SPTBN1: variants seen among roughly 807,000 people sequenced by gnomAD.
SPTBN1 encodes the protein spectrin beta chain, non-erythrocytic 1.
In SPTBN1, 32 loss-of-function variants were observed where a neutral mutation model predicts 266.4. The observed-to-expected ratio is 0.12, with a 90% CI of 0.09 to 0.16. The LOEUF (loss-of-function observed/expected upper bound fraction) is 0.16. Ranked by LOEUF, SPTBN1 falls within the 10% of genes least tolerant of loss-of-function variation. SPTBN1 has a pLI of 1.00. For missense variants in SPTBN1, 2,296 were observed against 3,067.1 expected, an observed-to-expected ratio of 0.75 and a Z score of 5.94; for synonymous variants, 1,336 against 1,162.2, an observed-to-expected ratio of 1.15 and a Z score of -3.04.
At chr2:54,550,515 C>G (rs1269272488) in intron 2 of SPTBN1, among the ~76,000 whole-genome samples, 1 of 152,194 alleles carries the variant, frequency 6.6e-6, no homozygotes, top group Non-Finnish European at 1.5e-5. Context: ...ATTACCTACA[C>G]TCTCATGTTA....
intron 17 of SPTBN1, among the ~76,000 whole-genome samples, chr2:54,634,473 A>AC (rs1678977351): frequency 6.6e-6 from 1 of 152,242 alleles, no homozygotes; most frequent in South Asian, 2.1e-4. Flanking sequence ...AGATGGAAGG[A>AC]GGGAGCTTTC....
intron 1 of SPTBN1, among the ~76,000 whole-genome samples, chr2:54,505,382 C>T (rs935884623): frequency 6.6e-6 from 1 of 152,188 alleles, no homozygotes; most frequent in African/African-American, 2.4e-5. Flanking sequence ...ATTATTTAAA[C>T]ATTGTTTCAG....
intron 1 of SPTBN1, among the ~76,000 whole-genome samples, chr2:54,502,065 A>G (rs532590179): frequency 1.3e-5 from 2 of 152,320 alleles, no homozygotes; most frequent in East Asian, 1.9e-4. Flanking sequence ...ACTCTGAGAG[A>G]GAGAGTATGT....
chr2:54,540,475 A>G lies in SPTBN1; in HGVS notation c.148+13909A>G, dbSNP rs954548407. 4.6e-5 allele frequency: 7 copies of G among 152,178 alleles called. No homozygotes were observed. The highest frequency in any genetic ancestry group is 1.4e-4 in the African/African-American group (6 of 41,438). The allele number at this position is 152,178 out of a possible 1,614,324, so 9.4% of individuals were successfully genotyped here. On this transcript the variant is annotated intron_variant, in intron 2 of 35. Coordinates refer to ENST00000356805, the MANE Select transcript of SPTBN1 (RefSeq NM_003128.3). This position sits in a 1 kb window ranked among gnomAD's most constrained non-coding sequence, Gnocchi z 5.6. ...CCCTGCCTTCTTTTGTGCTCCAGGT[A>G]TCTCACCCTAAGGTTTTTACCCTTT...
intron 2 of SPTBN1, among the ~76,000 whole-genome samples, chr2:54,552,320 TTAATTTATAAATTAATTGAGA>T (rs1374010616): frequency 6.6e-6 from 1 of 152,242 alleles, no homozygotes; most frequent in Non-Finnish European, 1.5e-5. Context: ...TGTATCTCAC[TTAATTTATAAATTAATTGAGA>T]TAATTTATAA....
chr2:54,571,600 C>CATATATAT (rs70944178), intron 2 of SPTBN1, among the ~76,000 whole-genome samples: 1 of 149,916 alleles, frequency 6.7e-6, no homozygotes. Context: ...CACACACACA[C>CATATATAT]ATATCTATAA....
chr2:54,562,533 C>CTTTTTTTCTTTTCTT (rs746897447), intron 2 of SPTBN1, among the ~76,000 whole-genome samples: 51 of 126,828 alleles, frequency 4.0e-4, no homozygotes, highest in African/African-American at 8.4e-4. Context: ...TTTTCTTTTT[C>CTTTTTTTCTTTTCTT]TTTTTTTTTT....
At chr2:54,595,987 TA>T (rs1336205512) in intron 2 of SPTBN1, among the ~76,000 whole-genome samples, 32 of 141,020 alleles carry the variant, frequency 2.3e-4, no homozygotes, top group Admixed American at 2.0e-4. Flanking sequence ...ATGGAGCTTG[TA>T]AGTGCTACCT....
At chr2:54,468,438 C>T (rs1693752226) in intron 1 of SPTBN1, among the ~76,000 whole-genome samples, 1 of 151,682 alleles carries the variant, frequency 6.6e-6, no homozygotes, top group Non-Finnish European at 1.5e-5. Flanking sequence ...CTCACACATA[C>T]ATATTAAGGG....
intron 2 of SPTBN1, among the ~76,000 whole-genome samples, chr2:54,550,418 CT>C (rs931202586): frequency 6.6e-6 from 1 of 152,178 alleles, no homozygotes; most frequent in Non-Finnish European, 1.5e-5. Flanking sequence ...CACACCAGGG[CT>C]GCACATGTTG....
chr2:54,509,974 AATG>A (rs1310163093), intron 1 of SPTBN1, among the ~76,000 whole-genome samples: 1 of 135,006 alleles, frequency 7.4e-6, no homozygotes, highest in Non-Finnish European at 1.6e-5. Context: ...TTTTTTTTTT[AATG>A]ATAAGGGGTC....
At chr2:54,538,632 A>C (rs1208776260) in intron 2 of SPTBN1, among the ~76,000 whole-genome samples, 1 of 152,210 alleles carries the variant, frequency 6.6e-6, no homozygotes, top group Admixed American at 6.5e-5. Flanking sequence ...GAATTTGCAG[A>C]GCTCTGAATT....
At chr2:54,468,226 G>A (rs1228386489) in intron 1 of SPTBN1, among the ~76,000 whole-genome samples, 1 of 152,042 alleles carries the variant, frequency 6.6e-6, no homozygotes, top group Non-Finnish European at 1.5e-5. Flanking sequence ...AGAATCACTT[G>A]AACCCAGGAG....
At chr2:54,583,847 G>C (rs1414580148) in intron 2 of SPTBN1, among the ~76,000 whole-genome samples, 2 of 152,056 alleles carry the variant, frequency 1.3e-5, no homozygotes, top group Admixed American at 1.3e-4. Flanking sequence ...ATCAGTCCCA[G>C]ACCCATCGGG....
At chr2:54,562,690 C>A (rs1301210330) in intron 2 of SPTBN1, among the ~76,000 whole-genome samples, 1 of 96,268 alleles carries the variant, frequency 1.0e-5, no homozygotes, top group Non-Finnish European at 2.0e-5. Context: ...GCCACCAAAC[C>A]CTGCTTTGTG....
In SPTBN1 at chr2:54,642,999, A is replaced by T; in HGVS notation, c.3875A>T (p.Asn1292Ile). The T allele has an allele frequency of 6.2e-7, 1 of 1,613,662 alleles. No homozygotes were observed. The highest frequency in any genetic ancestry group is 8.5e-7 in the Non-Finnish European group (1 of 1,179,688). The change falls in exon 19 of 36, where the codon AAT becomes ATT. Residue 1292 changes from asparagine (N) to isoleucine (I), a missense_variant. Transcript: ENST00000356805. The stretch of plus-strand genomic sequence containing the variant: ...TTTCTGTAGCTGTCTCTCTGGATCA[A>T]TGAGAAGATGCTCACAGCCCAGGAC... ...QDCQELSLWI[N>I]EKMLTAQDMS... is the part of the protein sequence containing the mutation.
intron 31 of SPTBN1, 84 bp from the exon 32 acceptor site, chr2:54,659,852 A>T (rs1572774639): frequency 6.6e-7 from 1 of 1,513,324 alleles, no homozygotes; most frequent in Non-Finnish European, 8.8e-7. Context: ...AAATTGAGTG[A>T]TGATGTTCTC....
chr2:54,625,838 G>C (rs570901926), intron 11 of SPTBN1, 94 bp from the exon 12 acceptor site: 8 of 1,384,110 alleles, frequency 5.8e-6, no homozygotes, highest in African/African-American at 4.3e-5. Flanking sequence ...TGATCTGCCC[G>C]CCTCGGCCTC....
chr2:54,587,068 C>G (rs927612932), intron 2 of SPTBN1, among the ~76,000 whole-genome samples: 2 of 152,174 alleles, frequency 1.3e-5, no homozygotes, highest in East Asian at 3.8e-4. Context: ...CTACCTCTGA[C>G]TAGCTTACAC....
Sources: gnomAD v4.1 joint callset for allele counts (sites outside exome capture counted in the v4.1 genomes callset) on GRCh38, gnomAD v4.1.1 for gene constraint, Gnocchi (gnomAD v3.1) non-coding constraint, MANE v1.5 for transcripts, NCBI Gene and HGNC (gene_info 2026-07-23, HGNC 2026-07-21) for gene names.